The following PTPRT variants were observed in gnomAD, a reference collection of about 807,000 sequenced individuals.
PTPRT encodes receptor-type tyrosine-protein phosphatase T.
A neutral mutation model predicts 176.8 loss-of-function variants in PTPRT; 56 were observed. That is an observed-to-expected ratio of 0.32 (90% confidence interval 0.26 to 0.40). The LOEUF is 0.40. Among genes scored for constraint, PTPRT ranks in the 10% least tolerant of loss-of-function variants. PTPRT has a pLI of 1.00. For missense variants in PTPRT, 1,540 were observed against 1,908.2 expected, an observed-to-expected ratio of 0.81 and a Z score of 3.60; for synonymous variants, 783 against 739.0, an observed-to-expected ratio of 1.06 and a Z score of -0.96.
At chr20:42,833,321 C>A (rs2078125461) in intron 2 of PTPRT, among the ~76,000 whole-genome samples, 1 of 149,118 alleles carries the variant, frequency 6.7e-6, no homozygotes, top group African/African-American at 2.5e-5. Context: ...TTGTAAATGC[C>A]AACACTATGA....
intron 8 of PTPRT, among the ~76,000 whole-genome samples, chr20:42,451,836 G>A (rs557723967): frequency 6.6e-6 from 1 of 152,270 alleles, no homozygotes; most frequent in African/African-American, 2.4e-5. Context: ...GAGAAGAGAG[G>A]GGAAGGTGAG....
intron 1 of PTPRT, among the ~76,000 whole-genome samples, chr20:43,116,561 C>G (rs2013066063): frequency 6.6e-6 from 1 of 152,262 alleles, no homozygotes; most frequent in East Asian, 1.9e-4. Context: ...AATGTCTACT[C>G]AGGCTTAAAG....
chr20:42,199,092 C>T (rs1233039245), intron 16 of PTPRT, 148 bp downstream of exon 16: 2 of 898,808 alleles, frequency 2.2e-6, no homozygotes, highest in Admixed American at 2.8e-5. Flanking sequence ...AAGTCTTTGT[C>T]AGGGAGAACC....
At chr20:42,307,064 A>G (rs2057554431) in intron 12 of PTPRT, among the ~76,000 whole-genome samples, 1 of 152,200 alleles carries the variant, frequency 6.6e-6, no homozygotes, top group Admixed American at 6.5e-5. Context: ...TATTATAAGA[A>G]TATGAAGGGG....
intron 13 of PTPRT, among the ~76,000 whole-genome samples, chr20:42,277,660 T>A (rs1462541404): frequency 1.3e-5 from 2 of 152,066 alleles, no homozygotes; most frequent in African/African-American, 4.8e-5. Context: ...AACGGAAGTG[T>A]CCAAAGTGTG....
chr20:42,355,665 AGG>A (rs556137608), intron 9 of PTPRT, among the ~76,000 whole-genome samples: 102 of 152,254 alleles, frequency 6.7e-4, no homozygotes, highest in African/African-American at 2.4e-3. Context: ...GTGGCAGAAA[AGG>A]GGAGATGTAC....
chr20:42,677,703 A>C (rs1569076916), intron 7 of PTPRT, among the ~76,000 whole-genome samples, 163 bp downstream of exon 7: 1 of 151,430 alleles, frequency 6.6e-6, no homozygotes, highest in African/African-American at 2.4e-5. Context: ...AAACAAACAA[A>C]CAAAAAAAAC....
rs530317193 is a variant in PTPRT, at chr20:43,115,772, G to A, written c.88+73874C>T. Among the ~76,000 whole-genome samples the A allele has an allele frequency of 1.9e-4, 29 of 152,092 alleles. No homozygotes were observed. In the East Asian group the frequency reaches 5.2e-3, roughly 27 times the overall value. On this transcript the variant is annotated intron_variant, in intron 1 of 30. Coordinates refer to ENST00000373187, the MANE Select transcript of PTPRT (RefSeq NM_007050.6). ...CCTTTGGGTCCAGACACCCCGTCCA[G>A]GGCTCTATTACAAGCAGTTGAATAG... is the stretch of plus-strand genomic sequence containing the variant.
chr20:43,183,483 G>A (rs957847583), intron 1 of PTPRT, among the ~76,000 whole-genome samples: 3 of 152,196 alleles, frequency 2.0e-5, no homozygotes, highest in Non-Finnish European at 2.9e-5. Context: ...TTACACATAA[G>A]TCTAACTTCA....
chr20:42,834,355 GAA>G (rs528682416), intron 2 of PTPRT, among the ~76,000 whole-genome samples: 1 of 151,582 alleles, frequency 6.6e-6, no homozygotes, highest in African/African-American at 2.4e-5. Flanking sequence ...GGGGAAAAAG[GAA>G]AAAAAATGCT....
chr20:42,411,382 T>G (rs898612998), intron 9 of PTPRT, among the ~76,000 whole-genome samples: 13 of 151,546 alleles, frequency 8.6e-5, no homozygotes, highest in Admixed American at 7.9e-4. Context: ...CCAGGCATGG[T>G]GGTGTGCGCC....
chr20:42,883,655 A>G (rs1339928170), intron 2 of PTPRT, among the ~76,000 whole-genome samples: 1 of 133,520 alleles, frequency 7.5e-6, no homozygotes, highest in Non-Finnish European at 1.6e-5. Context: ...ACACCGCCAT[A>G]TACACACACC....
rs1456889953 is a variant in PTPRT at position 43,189,674 on chromosome 20, C to T, written c.60G>A (p.Leu20=). 7.6e-7 allele frequency: 1 copy of T among 1,318,752 alleles called. No homozygotes were observed. The highest frequency in any genetic ancestry group is 2.0e-5 in the South Asian group (1 of 49,446). 81.7% of individuals were successfully genotyped at this position (1,318,752 alleles called of 1,614,324 possible). A position where few individuals can be genotyped will look rare whatever the true frequency, so the allele number is the denominator to read the frequency against. ...SLLLRLQLPP[L]PGARAQSAAG... is the part of the protein sequence containing the mutation. ...CGGCGCTCTGAGCCCGGGCGCCGGG[C>T]AGTGGCGGCAGCTGCAGCCTCAGGA... The change falls in exon 1 of 31, where the codon CTG becomes CTA. Residue 20 remains leucine (L), a synonymous_variant. Coordinates refer to ENST00000373187, the MANE Select transcript of PTPRT (RefSeq NM_007050.6). The surrounding 1 kb of genome is among the most constrained non-coding windows in gnomAD (Gnocchi z 5.0).
chr20:42,986,020 T>C (rs1250597734), intron 1 of PTPRT, among the ~76,000 whole-genome samples: 4 of 152,224 alleles, frequency 2.6e-5, no homozygotes, highest in African/African-American at 9.6e-5. Flanking sequence ...ATTAGTACAA[T>C]GGTGTAGTGA....
At chr20:42,996,942 T>C (rs995354080) in intron 1 of PTPRT, among the ~76,000 whole-genome samples, 2 of 152,196 alleles carry the variant, frequency 1.3e-5, no homozygotes, top group Non-Finnish European at 2.9e-5. Flanking sequence ...TACTCTTCTG[T>C]AATACTCAAT....
intron 7 of PTPRT, among the ~76,000 whole-genome samples, chr20:42,634,072 TATAATATATATATAATATA>T (rs1333604303): frequency 1.4e-4 from 6 of 41,920 alleles, no homozygotes; most frequent in South Asian, 6.6e-4. Context: ...ATAATATATA[TATAATATATATATAATATA>T]ATAATATATA....
At chr20:42,858,586 C>T (rs2078606179) in intron 2 of PTPRT, among the ~76,000 whole-genome samples, 1 of 152,182 alleles carries the variant, frequency 6.6e-6, no homozygotes, top group Admixed American at 6.5e-5. Context: ...TCTTCCATCA[C>T]ATGAGGACAC....
intron 1 of PTPRT, among the ~76,000 whole-genome samples, chr20:43,084,869 CT>C (rs2146295334): frequency 6.6e-6 from 1 of 152,130 alleles, no homozygotes; most frequent in East Asian, 1.9e-4. Context: ...GGTTTTTCTT[CT>C]TTCTACCTTT....
intron 1 of PTPRT, among the ~76,000 whole-genome samples, chr20:43,003,268 G>A (rs6103122): frequency 2.0e-5 from 3 of 152,150 alleles, no homozygotes; most frequent in African/African-American, 7.2e-5. Context: ...GCTCACTGCA[G>A]GTCTACCAAC....
Sources: allele counts gnomAD v4.1 joint callset (sites outside exome capture counted in the v4.1 genomes callset), GRCh38; gene constraint gnomAD v4.1.1; non-coding constraint Gnocchi (gnomAD v3.1); transcripts MANE v1.5; gene names NCBI Gene and HGNC (gene_info 2026-07-23, HGNC 2026-07-21).